The following DET1 variants were observed in gnomAD, a reference collection of about 807,000 sequenced individuals.
DET1 encodes the protein DET1 homolog.
Under a neutral mutation model 43.7 loss-of-function variants are expected in DET1, and 22 were observed. That is an observed-to-expected ratio of 0.50 (90% CI 0.36 to 0.72). The LOEUF is 0.72. Ranked by LOEUF, DET1 falls within the 30% of genes least tolerant of loss-of-function variation. The probability of loss-of-function intolerance (pLI) is 0.00; values close to 1 mark genes in which losing one functional copy is unlikely to be tolerated. For synonymous variants in DET1, 315 were observed against 266.2 expected, an observed-to-expected ratio of 1.18 and a Z score of -1.79; for missense variants, 713 against 713.3, an observed-to-expected ratio of 1.00 and a Z score of 0.00.
In DET1 at chr15:88,512,635, T is replaced by C; in HGVS notation, c.*316A>G. The C allele has an allele frequency of 9.2e-7, 1 of 1,089,600 alleles. No individual in the cohort carries two copies. The highest frequency in any genetic ancestry group is 1.1e-6 in the Non-Finnish European group (1 of 896,894). 67.5% of individuals were successfully genotyped at this position (1,089,600 alleles called of 1,614,324 possible). ...TGCCGAAGAAGTGACATGAAGGGGATAAAAGTCTAATGCTTTCATCTTCAC... is the reference window on the plus strand; with the variant it reads ...TGCCGAAGAAGTGACATGAAGGGGACAAAAGTCTAATGCTTTCATCTTCAC... On this transcript the variant is annotated 3_prime_UTR_variant, in exon 5 of 5. Transcript: ENST00000268148.
chr15:88,542,615 T>C (rs962159959), intron 1 of DET1, among the ~76,000 whole-genome samples: 2 of 152,042 alleles, frequency 1.3e-5, no homozygotes, highest in Non-Finnish European at 2.9e-5. Context: ...CTTTTAGAAA[T>C]AGCCCAGAAG....
At chr15:88,502,707 C>T (rs6496488) in intron 8 of DET1, 105,299 of 152,088 alleles carry the variant, frequency 0.69, 36,683 homozygotes, top group South Asian at 0.84. Context: ...ACAAAAAAGC[C>T]GCCCAACACT....
chr15:88,534,126 TA>T (rs1243943943), intron 1 of DET1, among the ~76,000 whole-genome samples: 2 of 152,142 alleles, frequency 1.3e-5, no homozygotes, highest in Non-Finnish European at 2.9e-5. Flanking sequence ...AAAATCACAA[TA>T]AAAATATGTT....
At chr15:88,510,731 G>C (rs1410003841), downstream of DET1, among the ~76,000 whole-genome samples, 2 of 150,110 alleles carry the variant, frequency 1.3e-5, no homozygotes, top group Non-Finnish European at 3.0e-5. Flanking sequence ...AGAAGCAACT[G>C]TATTGTTTGT....
intron 4 of DET1, among the ~76,000 whole-genome samples, chr15:88,513,653 A>G (rs962503977): frequency 1.0e-5 from 1 of 96,034 alleles, no homozygotes; most frequent in Non-Finnish European, 2.0e-5. Flanking sequence ...GAAATCTGTT[A>G]TGTATTTGAC....
intron 1 of DET1, among the ~76,000 whole-genome samples, chr15:88,533,212 T>C (rs1156861862): frequency 1.3e-5 from 2 of 152,140 alleles, no homozygotes; most frequent in Non-Finnish European, 2.9e-5. Context: ...ATCAGAGAAA[T>C]GTAAATCAAA....
chr15:88,515,871 G>A (rs1199888675), intron 4 of DET1, among the ~76,000 whole-genome samples: 1 of 151,952 alleles, frequency 6.6e-6, no homozygotes, highest in Admixed American at 6.6e-5. Context: ...AGTGGGTGAT[G>A]GGTACATGAA....
chr15:88,530,916 C>T lies in DET1; in HGVS notation c.790G>A (p.Asp264Asn). 1.2e-6 allele frequency: 2 copies of T among 1,613,994 alleles called. No individual in the cohort carries two copies. Among genetic ancestry groups the T allele is most frequent in the Non-Finnish European group, 8.5e-7 (1 of 1,179,898 alleles). ...RTIGRFCYEDDLLTVSAVFPE... is the reference protein window; with the variant it reads ...RTIGRFCYEDNLLTVSAVFPE... ...AAAACAGCTGACACAGTGAGCAGGT[C>T]ATCCTCATAGCAAAAGCGGCCAATG... is the stretch of plus-strand genomic sequence containing the variant. Residue 264 changes from aspartate (D) to asparagine (N), a missense_variant, in exon 2 of 5, where the codon GAC becomes AAC. Transcript: ENST00000268148.
rs1434880287 is a variant in DET1, at chr15:88,512,868, C to T, written c.*83G>A. Reference sequence around the variant, plus strand: ...GGCTGGAACTAACAGAGCTAGTAGTCGGGAGCTTTTGCTTTGGAGTCCACT... The same window carrying T: ...GGCTGGAACTAACAGAGCTAGTAGTTGGGAGCTTTTGCTTTGGAGTCCACT... On this transcript the variant is annotated 3_prime_UTR_variant, in exon 5 of 5. Coordinates refer to ENST00000268148, the MANE Select transcript of DET1 (RefSeq NM_001144074.3). 1.0e-5 allele frequency: 16 copies of T among 1,549,896 alleles called. No individual in the cohort carries two copies. Among genetic ancestry groups the T allele is most frequent in the Non-Finnish European group, 1.3e-5 (15 of 1,145,122 alleles).
downstream of DET1, chr15:88,511,395 A>G (rs28630408): frequency 0.17 from 167,382 of 983,988 alleles, 16,821 homozygotes; most frequent in African/African-American, 0.42. Flanking sequence ...CATCTCCCTC[A>G]CCCCAGTGTA....
At position 88,527,669 on chromosome 15, in the gene DET1, T is replaced by C. The variant is rs200495807; in HGVS notation, c.1201A>G (p.Thr401Ala). ...GGAAACTGAACTTCACTGTGCAGGG[T>C]AGCATTACGAAAAAGGTCACAGAAG... ...ENFCDLFRNA[T>A]LHSEVQFPCS... Residue 401 changes from threonine (T) to alanine (A), a missense_variant, in exon 3 of 5, where the codon ACC becomes GCC. Coordinates refer to ENST00000268148, the MANE Select transcript of DET1 (RefSeq NM_001144074.3). 3.7e-4 allele frequency: 597 copies of C among 1,613,648 alleles called. 1 individual carries two copies. The highest frequency in any genetic ancestry group is 5.7e-4 in the Admixed American group (34 of 59,958).
intron 7 of DET1, among the ~76,000 whole-genome samples, chr15:88,506,554 A>G (rs952362011): frequency 1.7e-5 from 2 of 115,520 alleles, no homozygotes; most frequent in Non-Finnish European, 3.5e-5. Context: ...CTTTCAAAGC[A>G]TGCATTGCAG....
At chr15:88,521,369 AC>A (rs1046154393) in intron 3 of DET1, among the ~76,000 whole-genome samples, 5 of 152,270 alleles carry the variant, frequency 3.3e-5, no homozygotes, top group Middle Eastern at 6.8e-3. Context: ...ATATACTCAA[AC>A]CTACCAGTAT....
chr15:88,538,477 C>A (rs1437812101), intron 1 of DET1, among the ~76,000 whole-genome samples: 1 of 151,624 alleles, frequency 6.6e-6, no homozygotes, highest in Non-Finnish European at 1.5e-5. Context: ...ATTGTTTTAA[C>A]TAGACCCCCC....
Position 88,516,985 on chromosome 15 carries a change from G to A in DET1, c.1272-12C>T, listed in dbSNP as rs1285295490. The A allele has an allele frequency of 1.3e-6, 2 of 1,555,422 alleles. No homozygotes were observed. Among genetic ancestry groups the A allele is most frequent in the Admixed American group, 2.1e-5 (1 of 46,758 alleles). On this transcript the variant is annotated splice_polypyrimidine_tract_variant and intron_variant, in intron 3 of 4. Coordinates refer to ENST00000268148, the MANE Select transcript of DET1 (RefSeq NM_001144074.3). This position sits in a 1 kb window ranked among gnomAD's most constrained non-coding sequence, Gnocchi z 4.4. ...TAGTGTCTTTGAACCTAAATGAAAGGACCGGTGAGGAAGGCTTTGTTAGTG... is the reference window on the plus strand; with the variant it reads ...TAGTGTCTTTGAACCTAAATGAAAGAACCGGTGAGGAAGGCTTTGTTAGTG...
intron 1 of DET1, among the ~76,000 whole-genome samples, chr15:88,532,235 C>T (rs1343977994): frequency 2.6e-5 from 4 of 152,202 alleles, no homozygotes; most frequent in Middle Eastern, 3.4e-3. Flanking sequence ...CTTGGATCAT[C>T]GAAGCTGCAA....
intron 4 of DET1, 36 bp from the exon 5 acceptor site, chr15:88,513,176 G>C: frequency 6.4e-7 from 1 of 1,560,282 alleles, no homozygotes; most frequent in South Asian, 1.2e-5. Context: ...AGAAAGAGGG[G>C]ACAGGATTGA....
chr15:88,513,170 A>T (rs1359453195), intron 4 of DET1, 30 bp from the exon 5 acceptor site: 1 of 1,574,730 alleles, frequency 6.4e-7, no homozygotes, highest in Non-Finnish European at 8.6e-7. Flanking sequence ...AGACAGAGAA[A>T]GAGGGGACAG....
intron 2 of DET1, among the ~76,000 whole-genome samples, chr15:88,528,710 T>G (rs2056733545): frequency 6.6e-6 from 1 of 152,230 alleles, no homozygotes; most frequent in Non-Finnish European, 1.5e-5. Flanking sequence ...GACAGGACTC[T>G]AGAAGTTCTC....
Sources: allele counts gnomAD v4.1 joint callset (sites outside exome capture counted in the v4.1 genomes callset), GRCh38; gene constraint gnomAD v4.1.1; non-coding constraint Gnocchi (gnomAD v3.1); transcripts MANE v1.5; gene names NCBI Gene and HGNC (gene_info 2026-07-23, HGNC 2026-07-21).